KCNH8: variants seen among roughly 807,000 people sequenced by gnomAD.
KCNH8 encodes potassium voltage-gated channel subfamily H member 8.
Under a neutral mutation model 103.6 loss-of-function variants are expected in KCNH8, and 70 were observed. That is an observed-to-expected ratio of 0.68 (90% CI 0.56 to 0.82). The LOEUF (loss-of-function observed/expected upper bound fraction) is 0.82, where lower values mean the gene tolerates loss of function less well. Ranked by LOEUF, KCNH8 falls within the 40% of genes least tolerant of loss-of-function variation. The pLI is 0.00. For synonymous variants in KCNH8, 498 were observed against 489.4 expected, an observed-to-expected ratio of 1.02 and a Z score of -0.23; for missense variants, 1,217 against 1,329.9, an observed-to-expected ratio of 0.92 and a Z score of 1.32.
chr3:19,522,396 T>TTCAAG (rs941165356), intron 15 of KCNH8, among the ~76,000 whole-genome samples: 1 of 151,624 alleles, frequency 6.6e-6, no homozygotes, highest in African/African-American at 2.4e-5. Context: ...TTTTTTTCAG[T>TTCAAG]TCAAGTCCAA....
chr3:19,269,185 CTT>C (rs2064554450), intron 2 of KCNH8, among the ~76,000 whole-genome samples: 1 of 152,020 alleles, frequency 6.6e-6, no homozygotes, highest in Non-Finnish European at 1.5e-5. Context: ...AAAAAAATAA[CTT>C]ATAACTCGGA....
chr3:19,259,398 A>C (rs1435480717), intron 2 of KCNH8, among the ~76,000 whole-genome samples: 6 of 151,886 alleles, frequency 4.0e-5, no homozygotes, highest in African/African-American at 1.4e-4. Flanking sequence ...TAATAGACCT[A>C]ATCAATTTTA....
chr3:19,515,237 T>C, intron 13 of KCNH8, 85 bp from the exon 14 acceptor site: 2 of 706,782 alleles, frequency 2.8e-6, no homozygotes, highest in Non-Finnish European at 4.6e-6. Flanking sequence ...TTTAGAAATT[T>C]AACATAATAT....
chr3:19,347,963 T>C lies in KCNH8; in HGVS notation c.809T>C (p.Ile270Thr), dbSNP rs1369988542. The C allele has an allele frequency of 6.2e-7, 1 of 1,612,640 alleles. No homozygotes were observed. The highest frequency in any genetic ancestry group is 8.5e-7 in the Non-Finnish European group (1 of 1,179,092). ...ATTGCAGTGGAGATTCTTTTTATTATAGGTAAGAACAAACAGCTGCTTTCC... is the reference window on the plus strand; with the variant it reads ...ATTGCAGTGGAGATTCTTTTTATTACAGGTAAGAACAAACAGCTGCTTTCC... ...SDIAVEILFI[I>T]DIILNFRTTY... The change falls in exon 5 of 16, where the codon ATA becomes ACA. Residue 270 changes from isoleucine (I) to threonine (T), a missense_variant and splice_region_variant. Physicochemically the swap from Ile to Thr is moderately conservative, Grantham distance 89 (BLOSUM62 -1). Coordinates refer to ENST00000328405, the MANE Select transcript of KCNH8 (RefSeq NM_144633.3).
At chr3:19,357,841 GA>G (rs1199002001) in intron 5 of KCNH8, among the ~76,000 whole-genome samples, 1 of 151,766 alleles carries the variant, frequency 6.6e-6, no homozygotes, top group African/African-American at 2.4e-5. Context: ...GCGTAATGGG[GA>G]ATATATAAAT....
intron 1 of KCNH8, among the ~76,000 whole-genome samples, chr3:19,184,226 T>A (rs984413607): frequency 1.3e-5 from 2 of 152,044 alleles, no homozygotes; most frequent in African/African-American, 4.8e-5. Flanking sequence ...TACTAAGCCC[T>A]TATGAAATTG....
At chr3:19,481,230 TA>T (rs886552107) in intron 11 of KCNH8, among the ~76,000 whole-genome samples, 3 of 152,142 alleles carry the variant, frequency 2.0e-5, no homozygotes, top group Admixed American at 1.3e-4. Flanking sequence ...ATATACTGAC[TA>T]GGGGGAATCA....
chr3:19,300,786 C>A (rs1371435867), intron 3 of KCNH8, among the ~76,000 whole-genome samples: 1 of 151,632 alleles, frequency 6.6e-6, no homozygotes. Context: ...ACATTTTCTT[C>A]TTTTCAATTG....
intron 1 of KCNH8, among the ~76,000 whole-genome samples, chr3:19,196,950 G>T (rs1023231180): frequency 1.3e-5 from 2 of 151,946 alleles, no homozygotes; most frequent in Admixed American, 6.6e-5. Flanking sequence ...TTTAAATCCA[G>T]ATTTTCCAAC....
At chr3:19,207,453 G>T (rs1277637380) in intron 1 of KCNH8, among the ~76,000 whole-genome samples, 1 of 151,818 alleles carries the variant, frequency 6.6e-6, no homozygotes, top group East Asian at 1.9e-4. Context: ...CTGAATAAAG[G>T]ATCTCTTTTA....
At chr3:19,293,467 G>A (rs2064957417) in intron 3 of KCNH8, among the ~76,000 whole-genome samples, 1 of 152,030 alleles carries the variant, frequency 6.6e-6, no homozygotes, top group Non-Finnish European at 1.5e-5. Context: ...GCATCACCTG[G>A]GAGCTCATTT....
chr3:19,312,144 G>C (rs2065216181), intron 3 of KCNH8, among the ~76,000 whole-genome samples: 1 of 151,840 alleles, frequency 6.6e-6, no homozygotes, highest in African/African-American at 2.4e-5. Flanking sequence ...CTTACATACA[G>C]ACTTTAGTTT....
intron 3 of KCNH8, among the ~76,000 whole-genome samples, chr3:19,325,383 G>A (rs2065407744): frequency 1.3e-5 from 2 of 152,028 alleles, no homozygotes; most frequent in Non-Finnish European, 2.9e-5. Context: ...AAAAGACACT[G>A]TCAATAGAGT....
intron 3 of KCNH8, among the ~76,000 whole-genome samples, chr3:19,308,653 TC>T (rs2065161985): frequency 5.2e-4 from 1 of 1,912 alleles, no homozygotes. Flanking sequence ...TGTTGGGGTC[TC>T]TCTCTCTCTC....
intron 3 of KCNH8, among the ~76,000 whole-genome samples, chr3:19,295,217 A>G (rs2064980145): frequency 2.0e-5 from 3 of 151,780 alleles, no homozygotes; most frequent in Admixed American, 2.0e-4. Context: ...CTGTCTGTAC[A>G]AAACATTGAA....
At chr3:19,533,024 G>A (rs2069191234) in intron 15 of KCNH8, among the ~76,000 whole-genome samples, 1 of 151,988 alleles carries the variant, frequency 6.6e-6, no homozygotes. Flanking sequence ...CTAACATGAT[G>A]AAACCCCGTC....
In KCNH8 at chr3:19,382,094, A is replaced by G. The variant is rs578223754; in HGVS notation, c.812-8387A>G. The stretch of plus-strand genomic sequence containing the variant: ...CAATGCATTTTACAGTATATATGCT[A>G]TTCTTGAAATGCAACATTTAAAAAA... On this transcript the variant is annotated intron_variant, in intron 5 of 15. Transcript: ENST00000328405. Among the ~76,000 whole-genome samples, 4 of 152,276 alleles carry G rather than the reference A, an allele frequency of 2.6e-5. No homozygotes were observed. In the South Asian group the frequency reaches 6.2e-4, roughly 24 times the overall value.
At chr3:19,246,497 G>A (rs769625146) in intron 1 of KCNH8, among the ~76,000 whole-genome samples, 52 of 151,888 alleles carry the variant, frequency 3.4e-4, no homozygotes, top group South Asian at 2.5e-3. Flanking sequence ...GGATGGTCTC[G>A]ATCTCTTGAC....
At chr3:19,171,875 T>C (rs1350816053) in intron 1 of KCNH8, among the ~76,000 whole-genome samples, 1 of 152,212 alleles carries the variant, frequency 6.6e-6, no homozygotes, top group Non-Finnish European at 1.5e-5. Context: ...TGTTGGTTTT[T>C]TCTGCTTACT....
Sources: gnomAD v4.1 joint callset for allele counts (sites outside exome capture counted in the v4.1 genomes callset) on GRCh38, gnomAD v4.1.1 for gene constraint, MANE v1.5 for transcripts, NCBI Gene and HGNC (gene_info 2026-07-23, HGNC 2026-07-21) for gene names.